CLEC12A: variants seen among roughly 807,000 people sequenced by gnomAD.
CLEC12A encodes the protein C-type lectin domain family 12 member A.
CLEC12A carries 22 observed loss-of-function variants against 26.5 expected under a neutral mutation model. That is an observed-to-expected ratio of 0.83 (90% CI 0.59 to 1.19). CLEC12A has a LOEUF of 1.19. CLEC12A is among the 50% of genes most tolerant of loss of function. CLEC12A has a pLI of 0.00. For synonymous variants in CLEC12A, 119 were observed against 101.9 expected, an observed-to-expected ratio of 1.17 and a Z score of -1.01; for missense variants, 353 against 315.6, an observed-to-expected ratio of 1.12 and a Z score of -0.90.
At chr12:9,965,041 C>A (rs193065465) in intron 1 of CLEC12A, among the ~76,000 whole-genome samples, 1 of 151,948 alleles carries the variant, frequency 6.6e-6, no homozygotes, top group South Asian at 2.1e-4. Flanking sequence ...AAAGTGTATG[C>A]GTCAGGTGGG....
chr12:9,982,700 A>G (rs932975024), intron 5 of CLEC12A, among the ~76,000 whole-genome samples: 8 of 152,156 alleles, frequency 5.3e-5, no homozygotes, highest in African/African-American at 1.9e-4. Context: ...AATATATTGC[A>G]TAATGATGAA....
rs141048973 is a variant in CLEC12A at position 9,955,352 on chromosome 12, G to T, written c.10+3996G>T. 5.0e-3 allele frequency among the ~76,000 whole-genome samples: 755 copies of T among 152,262 alleles called. 1 individual carries two copies. Among genetic ancestry groups the T allele is most frequent in the Non-Finnish European group, 8.0e-3 (543 of 68,024 alleles). On this transcript the variant is annotated intron_variant, in intron 1 of 6. Coordinates refer to the CLEC12A transcript ENST00000355690. ...TCCTCCTGCCTCAGCCTCCCAAAGT[G>T]CTGGGATTACAGGTGTAAGCAATCA...
At chr12:9,985,952 C>T (rs1864755624), downstream of CLEC12A, 1 of 178,440 alleles carries the variant, frequency 5.6e-6, no homozygotes, top group Non-Finnish European at 1.2e-5. Flanking sequence ...GAGGTTTGAC[C>T]TTGACCTAAT....
intron 1 of CLEC12A, among the ~76,000 whole-genome samples, chr12:9,964,329 C>CCTAGAGTGGGAGAAAGGGAAA (rs530429129): frequency 6.6e-4 from 100 of 152,082 alleles, no homozygotes; most frequent in African/African-American, 2.3e-3. Flanking sequence ...GTGGGGACAG[C>CCTAGAGTGGGAGAAAGGGAAA]TGTGTAGGCA....
chr12:9,997,325 G>C (rs199500766), downstream of CLEC12A: 2 of 1,544,278 alleles, frequency 1.3e-6, no homozygotes, highest in South Asian at 1.2e-5. Flanking sequence ...TAGAACCATA[G>C]AAATGATGCA....
At chr12:9,991,819 C>A (rs1436940556) in intron 4 of CLEC12A, 1 of 152,008 alleles carries the variant, frequency 6.6e-6, no homozygotes, top group Non-Finnish European at 1.5e-5. Flanking sequence ...TAATATTAAA[C>A]CCATTTCAAG....
intron 1 of CLEC12A, among the ~76,000 whole-genome samples, chr12:9,976,848 C>T (rs1864356894): frequency 6.6e-6 from 1 of 152,078 alleles, no homozygotes; most frequent in South Asian, 2.1e-4. Flanking sequence ...CGTGCTGTTC[C>T]TGTGATAGTG....
intron 1 of CLEC12A, among the ~76,000 whole-genome samples, chr12:9,964,850 C>T (rs564690064): frequency 1.1e-4 from 16 of 151,478 alleles, no homozygotes; most frequent in Non-Finnish European, 2.4e-4. Flanking sequence ...GTGAGGAACA[C>T]GAAAGAAGGA....
downstream of CLEC12A, among the ~76,000 whole-genome samples, chr12:9,987,637 A>C (rs1279975175): frequency 1.3e-5 from 2 of 152,226 alleles, no homozygotes; most frequent in Admixed American, 6.5e-5. Context: ...CCAGTCAGAT[A>C]TAGTACCCAT....
chr12:9,977,101 G>C (rs1415999901), intron 1 of CLEC12A, among the ~76,000 whole-genome samples: 1 of 152,080 alleles, frequency 6.6e-6, no homozygotes, highest in Non-Finnish European at 1.5e-5. Context: ...TAAAGATGGT[G>C]TTTTGCTTTT....
intron 1 of CLEC12A, among the ~76,000 whole-genome samples, chr12:9,959,522 G>T (rs996232184): frequency 2.0e-5 from 3 of 151,668 alleles, no homozygotes; most frequent in African/African-American, 7.3e-5. Context: ...GTTGCTTTGA[G>T]TTTTAATGGT....
chr12:9,984,182 T>C (rs1417041734), intron 5 of CLEC12A: 1 of 155,304 alleles, frequency 6.4e-6, no homozygotes, highest in African/African-American at 2.4e-5. Flanking sequence ...TGAAAGGGGG[T>C]TGTAATAAAT....
At chr12:9,971,809 T>A in intron 1 of CLEC12A, 122 bp downstream of exon 1, 1 of 800,920 alleles carries the variant, frequency 1.2e-6, no homozygotes, top group East Asian at 3.2e-5. Flanking sequence ...GTCTCTTATG[T>A]TTAAGCAAAG....
chr12:9,982,815 C>A (rs1051682814), intron 5 of CLEC12A, among the ~76,000 whole-genome samples: 1 of 152,000 alleles, frequency 6.6e-6, no homozygotes, highest in African/African-American at 2.4e-5. Context: ...TTGGAGTCTC[C>A]AATGTCTATT....
rs1864927614 is a variant in CLEC12A, at chr12:9,993,050, G to A, written n.1005-1968G>A. The A allele has an allele frequency of 4.2e-6, 5 of 1,203,384 alleles. No individual in the cohort carries two copies. In the South Asian group the frequency reaches 6.4e-5, roughly 16 times the overall value. The allele number at this position is 1,203,384 out of a possible 1,614,324, so 74.5% of individuals were successfully genotyped here. On this transcript the variant is annotated intron_variant and non_coding_transcript_variant, in intron 4 of 4. Coordinates refer to the CLEC12A transcript ENST00000449959. ...AATAACTCCAGTGAGAAGAAAGGGA[G>A]AAATAAGCAATTTTCAGCTACTGAT... is the stretch of plus-strand genomic sequence containing the variant.
chr12:9,972,311 A>G (rs1256721456), intron 1 of CLEC12A, among the ~76,000 whole-genome samples: 1 of 152,206 alleles, frequency 6.6e-6, no homozygotes, highest in South Asian at 2.1e-4. Flanking sequence ...ACCACATTAT[A>G]TCAAGTAACT....
rs536947 is a variant in CLEC12A at position 9,979,340 on chromosome 12, C to T, written c.195C>T (p.His65=). The T allele has an allele frequency of 0.17, 260,937 of 1,577,586 alleles. 24,011 individuals are homozygous for T. Among genetic ancestry groups the T allele is most frequent in the South Asian group, 0.33 (28,825 of 87,240 alleles). ...IGLGVLASMF[H]VTLKIEMKKM... ...TGTCATTTTTTTAATGTGGAGTTCACGTAACTTTGAAGATAGAAATGAAAA... is the reference window on the plus strand; with the variant it reads ...TGTCATTTTTTTAATGTGGAGTTCATGTAACTTTGAAGATAGAAATGAAAA... The change falls in exon 3 of 6, where the codon CAC becomes CAT. Residue 65 remains histidine, a synonymous_variant. Coordinates refer to ENST00000304361, the MANE Select transcript of CLEC12A (RefSeq NM_138337.6).
chr12:9,999,039 G>C (rs373622374), downstream of CLEC12A: 45 of 1,582,024 alleles, frequency 2.8e-5, no homozygotes, highest in Non-Finnish European at 3.7e-5. Flanking sequence ...ATTCTTACCG[G>C]AGATGAGAGC....
intron 1 of CLEC12A, among the ~76,000 whole-genome samples, chr12:9,962,426 C>T (rs908864572): frequency 1.3e-5 from 2 of 151,646 alleles, no homozygotes; most frequent in African/African-American, 4.8e-5. Flanking sequence ...CCCTTTTTTC[C>T]GTTATAACTT....
Sources: gnomAD v4.1 joint callset for allele counts (sites outside exome capture counted in the v4.1 genomes callset) on GRCh38, gnomAD v4.1.1 for gene constraint, MANE v1.5 for transcripts, NCBI Gene and HGNC (gene_info 2026-07-23, HGNC 2026-07-21) for gene names.